KIF1B: variants seen among roughly 807,000 people sequenced by gnomAD.
KIF1B encodes kinesin-like protein KIF1B.
Under a neutral mutation model 241.9 loss-of-function variants are expected in KIF1B, and 76 were observed. The observed-to-expected ratio is 0.31, with a 90% CI of 0.26 to 0.38. KIF1B has a LOEUF of 0.38. Among genes scored for constraint, KIF1B ranks in the 10% least tolerant of loss-of-function variants. KIF1B has a pLI of 1.00. For synonymous variants in KIF1B, 750 were observed against 796.7 expected (o/e 0.94, Z 0.99); for missense variants, 1,622 against 2,271.4 (o/e 0.71, Z 5.81).
At chr1:10,344,080 C>T (rs1030396957) in intron 34 of KIF1B, among the ~76,000 whole-genome samples, 3 of 152,212 alleles carry the variant, frequency 2.0e-5, no homozygotes, top group African/African-American at 7.2e-5. Flanking sequence ...CCATCTTCAT[C>T]TGCCTTCAGA....
At position 10,365,993 on chromosome 1, in the gene KIF1B, G is replaced by A. The variant is rs561563615; in HGVS notation, c.4752+345G>A. Among the ~76,000 whole-genome samples the A allele has an allele frequency of 7.9e-5, 12 of 152,322 alleles. No individual in the cohort carries two copies. Among genetic ancestry groups the A allele is most frequent in the African/African-American group, 2.6e-4 (11 of 41,566 alleles). On this transcript the variant is annotated intron_variant, in intron 43 of 48. Transcript: ENST00000676179. This position sits in a 1 kb window ranked among gnomAD's most constrained non-coding sequence, Gnocchi z 4.0. ...CACCTGTAATCCCAGCACTTTGCAG[G>A]GCTGAGGCAGGTGGATTACCTGAGG...
In KIF1B at chr1:10,296,636, G is replaced by C. The variant is rs765877459; in HGVS notation, c.1832G>C (p.Arg611Thr). 1 of 1,614,004 alleles carries C rather than the reference G, an allele frequency of 6.2e-7. No homozygotes were observed. The highest frequency in any genetic ancestry group is 1.1e-5 in the South Asian group (1 of 91,054). ...TCAGAAACCTACGTAAATGGCAAGA[G>C]GGTGTCCCAGCCTGTTCAGCTGCGC... ...ERSETYVNGK[R>T]VSQPVQLRSG... Residue 611 changes from arginine to threonine, a missense_variant, in exon 20 of 49, where the codon AGG becomes ACG. By Grantham distance (71) the Arg-to-Thr change is moderately conservative. This residue lies in a region of KIF1B where 803 missense variants were observed against 1,112.0 expected (regional missense o/e 0.72). Coordinates refer to ENST00000676179, the MANE Select transcript of KIF1B (RefSeq NM_001365951.3).
chr1:10,302,356 G>A (rs1363986001), intron 22 of KIF1B, among the ~76,000 whole-genome samples: 2 of 152,020 alleles, frequency 1.3e-5, no homozygotes, highest in Non-Finnish European at 2.9e-5. Context: ...TTAATCGTAC[G>A]ACGGAAATGG....
At chr1:10,236,273 AAACAACAACAAC>A (rs367849877) in intron 2 of KIF1B, among the ~76,000 whole-genome samples, 14 of 94,112 alleles carry the variant, frequency 1.5e-4, no homozygotes, top group African/African-American at 3.5e-4. Flanking sequence ...CTCCATCCCA[AAACAACAACAAC>A]AACAACAACA....
intron 2 of KIF1B, among the ~76,000 whole-genome samples, chr1:10,235,914 A>T (rs1571114288): frequency 6.6e-6 from 1 of 151,448 alleles, no homozygotes; most frequent in East Asian, 2.0e-4. Context: ...GAAAGCAAAT[A>T]TAAGGATTTA....
chr1:10,237,512 A>G (rs1283519586), intron 2 of KIF1B, among the ~76,000 whole-genome samples: 2 of 152,076 alleles, frequency 1.3e-5, no homozygotes, highest in Non-Finnish European at 2.9e-5. Context: ...AATTTTGTTC[A>G]TATATTTAAC....
intron 2 of KIF1B, among the ~76,000 whole-genome samples, chr1:10,249,040 A>G (rs756562051): frequency 6.6e-6 from 1 of 152,260 alleles, no homozygotes; most frequent in African/African-American, 2.4e-5. Context: ...CTAGTCCTCA[A>G]AAATATTCCT....
At chr1:10,218,002 G>A (rs1431950339) in intron 1 of KIF1B, among the ~76,000 whole-genome samples, 2 of 152,116 alleles carry the variant, frequency 1.3e-5, no homozygotes, top group East Asian at 3.9e-4. Context: ...ATAGAAATGT[G>A]CAAGTCTTTC....
Position 10,336,638 on chromosome 1 carries a change from AT to A in KIF1B, c.3044-10del, listed in dbSNP as rs758417740. 1.5e-4 allele frequency: 239 copies of A among 1,584,290 alleles called. No individual in the cohort carries two copies. Among genetic ancestry groups the A allele is most frequent in the Admixed American group, 1.0e-4 (6 of 59,800 alleles). ...GTGTAGTCTCACTCAATTCTTGCTAATTTTTTTTTCTGCTTTAGCGGATGAA... is the reference window on the plus strand; with the variant it reads ...GTGTAGTCTCACTCAATTCTTGCTAATTTTTTTTCTGCTTTAGCGGATGAA... On this transcript the variant is annotated intron_variant, in intron 28 of 48. Transcript: ENST00000676179.
chr1:10,346,585 G>A (rs11121544), intron 35 of KIF1B, among the ~76,000 whole-genome samples: 39,156 of 151,872 alleles, frequency 0.26, 5,455 homozygotes, highest in Admixed American at 0.32. Flanking sequence ...GGCTGGTCTC[G>A]AACTCCCGAC....
At chr1:10,278,880 G>T in intron 13 of KIF1B, 2 of 477,198 alleles carry the variant, frequency 4.2e-6, no homozygotes, top group East Asian at 3.0e-5. Flanking sequence ...TATATTCCTT[G>T]AAGTTCTAAT....
At chr1:10,359,395 G>T (rs1269641642) in intron 38 of KIF1B, among the ~76,000 whole-genome samples, 2 of 152,166 alleles carry the variant, frequency 1.3e-5, no homozygotes, top group Non-Finnish European at 2.9e-5. Context: ...TGTCATAGGG[G>T]TCTGAGAAGG....
chr1:10,226,334 G>A (rs1315686818), intron 1 of KIF1B, among the ~76,000 whole-genome samples: 2 of 152,178 alleles, frequency 1.3e-5, no homozygotes, highest in Non-Finnish European at 2.9e-5. Flanking sequence ...CTAGGTAGAG[G>A]AGTCGAGTAG....
At chr1:10,231,969 G>A (rs1646989194) in intron 1 of KIF1B, among the ~76,000 whole-genome samples, 1 of 151,864 alleles carries the variant, frequency 6.6e-6, no homozygotes, top group African/African-American at 2.4e-5. Context: ...AGATTTGTCG[G>A]GGAGGCCAGG....
chr1:10,327,063 G>A (rs1651751747), intron 27 of KIF1B, among the ~76,000 whole-genome samples: 1 of 152,104 alleles, frequency 6.6e-6, no homozygotes, highest in Admixed American at 6.5e-5. Flanking sequence ...GTGAATATTG[G>A]CCAGGCACGG....
In KIF1B at chr1:10,258,562, G is replaced by A. The variant is rs765957120; in HGVS notation, c.253G>A (p.Ala85Thr). 1 of 1,614,062 alleles carries A rather than the reference G, an allele frequency of 6.2e-7. No individual in the cohort carries two copies. The highest frequency in any genetic ancestry group is 8.5e-7 in the Non-Finnish European group (1 of 1,179,998). ...CATTGGCAAGGAAATGCTCTTACAC[G>A]CCTTTGAGGGATATAATGTCTGTAT... Reference protein sequence around the residue: ...NDIGKEMLLHAFEGYNVCIFA... With the variant: ...NDIGKEMLLHTFEGYNVCIFA... The change falls in exon 4 of 49, where the codon GCC becomes ACC. Residue 85 changes from alanine (A) to threonine (T), a missense_variant. Physicochemically the swap from Ala to Thr is moderately conservative, Grantham distance 58 (BLOSUM62 0). Transcript: ENST00000676179.
chr1:10,258,798 A>G, intron 4 of KIF1B, 126 bp downstream of exon 4: 1 of 935,978 alleles, frequency 1.1e-6, no homozygotes, highest in South Asian at 1.4e-5. Context: ...ACAAAGATGA[A>G]CAACCCATTA....
chr1:10,326,436 G>C lies in KIF1B; in HGVS notation c.2924+77G>C, dbSNP rs1651727048. ...AGGCCTCCCTGCTTGCACAATTTTG[G>C]ATAACCTTGCATTAGCCAATTCAAC... is the stretch of plus-strand genomic sequence containing the variant. On this transcript the variant is annotated intron_variant, in intron 27 of 48. Coordinates refer to ENST00000676179, the MANE Select transcript of KIF1B (RefSeq NM_001365951.3). The surrounding 1 kb of genome is among the most constrained non-coding windows in gnomAD (Gnocchi z 5.2). 4.4e-6 allele frequency: 7 copies of C among 1,594,254 alleles called. No homozygotes were observed. The highest frequency in any genetic ancestry group is 5.1e-6 in the Non-Finnish European group (6 of 1,166,488).
rs774464311 is a variant in KIF1B at position 10,374,971 on chromosome 1, C to G, written c.5214C>G (p.Asp1738Glu). The G allele has an allele frequency of 1.1e-5, 17 of 1,613,988 alleles. No homozygotes were observed. In the Admixed American group the frequency reaches 2.7e-4, roughly 25 times the overall value. Residue 1738 changes from aspartate to glutamate, a missense_variant, in exon 47 of 49, where the codon GAC becomes GAG. Asp to Glu is a conservative substitution (Grantham distance 45, BLOSUM62 2). Around this residue, in one of 7 missense-constraint regions of KIF1B, gnomAD observed 357 missense variants for 409.0 expected, o/e 0.87. Transcript: ENST00000676179. This position sits in a 1 kb window ranked among gnomAD's most constrained non-coding sequence, Gnocchi z 4.3. ...TCTTCATCTATAACAGTGACAAAGA[C>G]CCTGTGGAGCGTGGAATCATTAACC... ...PYVFIYNSDK[D>E]PVERGIINLS...
Sources: gnomAD v4.1 joint callset for allele counts (sites outside exome capture counted in the v4.1 genomes callset) on GRCh38, gnomAD v4.1.1 for gene constraint, gnomAD v4.1.1 regional missense constraint, Gnocchi (gnomAD v3.1) non-coding constraint, MANE v1.5 for transcripts, NCBI Gene and HGNC (gene_info 2026-07-23, HGNC 2026-07-21) for gene names.